Variants in CEP295 observed in about 807,000 individuals in gnomAD.
CEP295 encodes centrosomal protein of 295 kDa.
In CEP295, 190 loss-of-function variants were observed where a neutral mutation model predicts 291.6. The observed-to-expected ratio is 0.65, with a 90% confidence interval of 0.58 to 0.73. The LOEUF (loss-of-function observed/expected upper bound fraction) is 0.73, where lower values mean the gene tolerates loss of function less well. Among genes scored for constraint, CEP295 ranks in the 30% least tolerant of loss-of-function variants. The pLI is 0.00. For synonymous variants in CEP295, 993 were observed against 1,038.8 expected (o/e 0.96, Z 0.85); for missense variants, 2,863 against 2,949.4 (o/e 0.97, Z 0.68).
rs1950249201 is a variant in CEP295 at position 93,667,588 on chromosome 11, T to A, written c.109-19T>A. On this transcript the variant is annotated intron_variant, in intron 2 of 29. Transcript: ENST00000325212. ...AGTAAACCTCCTTTCATATAACCTG[T>A]TAAATATGCATTCTTTAGGTTCGAG... The A allele has an allele frequency of 1.5e-5, 23 of 1,517,610 alleles. No individual in the cohort carries two copies. The highest frequency in any genetic ancestry group is 1.7e-4 in the Middle Eastern group (1 of 5,830). The allele number at this position is 1,517,610 out of a possible 1,614,324, so 94.0% of individuals were successfully genotyped here.
chr11:93,719,534 C>T (rs1198526785), intron 18 of CEP295: 1 of 152,090 alleles, frequency 6.6e-6, no homozygotes, highest in Non-Finnish European at 1.5e-5. Context: ...TCCTGAGTTG[C>T]TGGGACTAGA....
chr11:93,672,436 G>A (rs1158339107), intron 5 of CEP295, among the ~76,000 whole-genome samples: 13 of 150,880 alleles, frequency 8.6e-5, no homozygotes, highest in African/African-American at 3.2e-4. Context: ...TTTTGAGACG[G>A]GATCTCACTA....
At chr11:93,680,474 C>T (rs1386633291) in intron 7 of CEP295, among the ~76,000 whole-genome samples, 1 of 152,068 alleles carries the variant, frequency 6.6e-6, no homozygotes, top group Non-Finnish European at 1.5e-5. Flanking sequence ...GCGTGGTGGC[C>T]TGGGACTACA....
At chr11:93,711,966 A>G (rs144583432) in intron 18 of CEP295, among the ~76,000 whole-genome samples, 1 of 152,192 alleles carries the variant, frequency 6.6e-6, no homozygotes, top group East Asian at 1.9e-4. Flanking sequence ...TGTTAGGTTC[A>G]TTTGGTCTAT....
At chr11:93,724,775 GAAAC>G (rs367600187) in intron 22 of CEP295, among the ~76,000 whole-genome samples, 187 of 151,822 alleles carry the variant, frequency 1.2e-3, no homozygotes, top group East Asian at 4.5e-3. Context: ...TTTAAAAAAA[GAAAC>G]AAACAAACAA....
At chr11:93,684,197 A>T in intron 9 of CEP295, 69 bp downstream of exon 9, 1 of 1,395,764 alleles carries the variant, frequency 7.2e-7, no homozygotes, top group Non-Finnish European at 9.7e-7. Context: ...ATTAGCCAGC[A>T]GTTAGGAAAA....
rs550630688 is a variant in CEP295, at chr11:93,724,298, C to A, written c.6241C>A (p.Pro2081Thr). ...FPNLHHQLFKPLEPHPDFDLS... is the reference protein window; with the variant it reads ...FPNLHHQLFKTLEPHPDFDLS... ...TAATTTGCATCATCAGCTGTTTAAACCCTTAGAACCACATCCAGATTTTGA... is the reference window on the plus strand; with the variant it reads ...TAATTTGCATCATCAGCTGTTTAAAACCTTAGAACCACATCCAGATTTTGA... The change falls in exon 22 of 30, where the codon CCC becomes ACC. Residue 2081 changes from proline (P) to threonine (T), a missense_variant. Physicochemically the swap from Pro to Thr is conservative, Grantham distance 38. Around this residue, in one of 3 missense-constraint regions of CEP295, gnomAD observed 2,295 missense variants for 2,335.7 expected, o/e 0.98. Transcript: ENST00000325212. 8 of 1,550,694 alleles carry A rather than the reference C, an allele frequency of 5.2e-6. No individual in the cohort carries two copies. Among genetic ancestry groups the A allele is most frequent in the Non-Finnish European group, 6.1e-6 (7 of 1,146,110 alleles).
At chr11:93,691,639 C>T in intron 10 of CEP295, 44 bp from the exon 11 acceptor site, 1 of 1,271,952 alleles carries the variant, frequency 7.9e-7, no homozygotes, top group African/African-American at 1.5e-5. Context: ...TTAAGTTTGA[C>T]AATGATTATA....
intron 10 of CEP295, 136 bp downstream of exon 10, chr11:93,688,001 A>G (rs1337851487): frequency 1.8e-6 from 1 of 548,662 alleles, no homozygotes; most frequent in Non-Finnish European, 3.1e-6. Flanking sequence ...ACAAAGAAAC[A>G]TTATAAAAGC....
chr11:93,729,893 G>A lies in CEP295; in HGVS notation c.7591G>A (p.Gly2531Ser), dbSNP rs1342012177. ...AGGTTCATCTGTGAGTCGTCTAAAG[G>A]GCGTGAATAAAGTCAGAGCATCTTT... is the stretch of plus-strand genomic sequence containing the variant. ...SISSSVSRLK[G>S]VNKVRASFPE... The change falls in exon 28 of 30, where the codon GGC becomes AGC. Residue 2531 changes from glycine (G) to serine (S), a missense_variant. Physicochemically the swap from Gly to Ser is moderately conservative, Grantham distance 56 (BLOSUM62 0). Transcript: ENST00000325212. 4 of 1,549,502 alleles carry A rather than the reference G, an allele frequency of 2.6e-6. No homozygotes were observed. The highest frequency in any genetic ancestry group is 3.5e-6 in the Non-Finnish European group (4 of 1,146,500).
In CEP295 at chr11:93,675,789, A is replaced by C. The variant is rs867530462; in HGVS notation, c.624+123A>C. ...CAAAATTTGGACAATTGATAATAATAATCAAAACCTTTTAAATGCTTTGAA... is the reference window on the plus strand; with the variant it reads ...CAAAATTTGGACAATTGATAATAATCATCAAAACCTTTTAAATGCTTTGAA... On this transcript the variant is annotated intron_variant, in intron 6 of 29. Coordinates refer to ENST00000325212, the MANE Select transcript of CEP295 (RefSeq NM_033395.2). 9.6e-5 allele frequency: 43 copies of C among 446,680 alleles called. No homozygotes were observed. The Admixed American group carries it at 1.9e-3, about 20-fold the overall frequency. The allele number at this position is 446,680 out of a possible 1,614,324, so 27.7% of individuals were successfully genotyped here.
intron 5 of CEP295, among the ~76,000 whole-genome samples, chr11:93,672,932 G>GGTACTTTAACT (rs537463869): frequency 1.4e-3 from 208 of 152,238 alleles, no homozygotes; most frequent in African/African-American, 4.8e-3. Flanking sequence ...TGGAAGTACT[G>GGTACTTTAACT]GTACTTTAAA....
At chr11:93,704,448 G>A (rs980179875) in intron 17 of CEP295, among the ~76,000 whole-genome samples, 5 of 152,040 alleles carry the variant, frequency 3.3e-5, no homozygotes, top group Admixed American at 1.3e-4. Context: ...CTCTGGTGGC[G>A]CTTGCCTGTA....
rs1952044125 is a variant in CEP295, at chr11:93,699,867, A to G, written c.4955A>G (p.Glu1652Gly). The G allele has an allele frequency of 6.4e-7, 1 of 1,552,034 alleles. No homozygotes were observed. The highest frequency in any genetic ancestry group is 8.7e-7 in the Non-Finnish European group (1 of 1,147,084). ...IPSLFLPKET[E>G]HSFIPLPFAE... ...TCTTTGTTTCTACCCAAGGAAACAG[A>G]GCATTCGTTTATTCCACTACCTTTT... The change falls in exon 15 of 30, where the codon GAG (glutamate) becomes GGG (glycine). Residue 1652 changes from glutamate (E) to glycine (G), a missense_variant. Physicochemically the swap from Glu to Gly is moderately conservative, Grantham distance 98. This residue lies in a region of CEP295 where 2,295 missense variants were observed against 2,335.7 expected (regional missense o/e 0.98). Coordinates refer to ENST00000325212, the MANE Select transcript of CEP295 (RefSeq NM_033395.2).
Position 93,698,568 on chromosome 11 carries a change from A to C in CEP295, c.3656A>C (p.Glu1219Ala). 3 of 1,552,218 alleles carry C rather than the reference A, an allele frequency of 1.9e-6. No individual in the cohort carries two copies. The highest frequency in any genetic ancestry group is 2.6e-6 in the Non-Finnish European group (3 of 1,147,114). ...GTGGATGAATCTGAGAGATTCCAGG[A>C]ATGTATATCAATCAAGAGTGACAGT... ...SQVDESERFQ[E>A]CISIKSDSTI... The change falls in exon 15 of 30, where the codon GAA becomes GCA. Residue 1219 changes from glutamate to alanine, a missense_variant. Physicochemically the swap from Glu to Ala is moderately radical, Grantham distance 107. Around this residue, in one of 3 missense-constraint regions of CEP295, gnomAD observed 2,295 missense variants for 2,335.7 expected, o/e 0.98. Transcript: ENST00000325212.
chr11:93,706,094 A>G (rs979970952), intron 17 of CEP295, among the ~76,000 whole-genome samples: 1 of 152,190 alleles, frequency 6.6e-6, no homozygotes, highest in Non-Finnish European at 1.5e-5. Context: ...TCTCCAGAGA[A>G]TAAACCTTTA....
rs1473011811 is a variant in CEP295, at chr11:93,706,742, C to T, written c.5597-3C>T. ...TGAAGTGGAAATATTTTTTCCCCCCCAGGTAAACCAGGTATTTATGAAGAC... is the reference window on the plus strand; with the variant it reads ...TGAAGTGGAAATATTTTTTCCCCCCTAGGTAAACCAGGTATTTATGAAGAC... On this transcript the variant is annotated splice_region_variant and splice_polypyrimidine_tract_variant and intron_variant, in intron 17 of 29. Transcript: ENST00000325212. 1 of 1,511,438 alleles carries T rather than the reference C, an allele frequency of 6.6e-7. No individual in the cohort carries two copies. Among genetic ancestry groups the T allele is most frequent in the South Asian group, 1.3e-5 (1 of 78,290 alleles). The allele number at this position is 1,511,438 out of a possible 1,614,324, so 93.6% of individuals were successfully genotyped here.
At position 93,699,667 on chromosome 11, in the gene CEP295, A is replaced by G. The variant is rs1211469338; in HGVS notation, c.4755A>G (p.Leu1585=). ...CAAGTCATCGTGAGATTCCAAGATT[A>G]CAGGATAGACTTTTGAGTTTATCAA... ...LPSSHREIPR[L]QDRLLSLSKP... Residue 1585 remains leucine (L), a synonymous_variant, in exon 15 of 30, where the codon TTA becomes TTG. Coordinates refer to ENST00000325212, the MANE Select transcript of CEP295 (RefSeq NM_033395.2). The G allele has an allele frequency of 6.4e-7, 1 of 1,551,542 alleles. No homozygotes were observed. The highest frequency in any genetic ancestry group is 1.2e-5 in the South Asian group (1 of 84,058).
At chr11:93,663,488 T>G (rs1035016583) in intron 1 of CEP295, among the ~76,000 whole-genome samples, 29 of 152,346 alleles carry the variant, frequency 1.9e-4, no homozygotes, top group Non-Finnish European at 2.9e-4. Flanking sequence ...TTGGATTGGC[T>G]TCTGGTCCAG....
Sources: gnomAD v4.1 joint callset for allele counts (sites outside exome capture counted in the v4.1 genomes callset) on GRCh38, gnomAD v4.1.1 for gene constraint, gnomAD v4.1.1 regional missense constraint, MANE v1.5 for transcripts, NCBI Gene and HGNC (gene_info 2026-07-23, HGNC 2026-07-21) for gene names.